Variants in CBL observed in about 807,000 individuals in gnomAD.
CBL encodes E3 ubiquitin-protein ligase CBL.
A neutral mutation model predicts 96.9 loss-of-function variants in CBL; 45 were observed. The observed-to-expected ratio is 0.46, with a 90% CI of 0.37 to 0.60. The LOEUF is 0.60. CBL is among the 20% of genes least tolerant of loss of function. The pLI, the probability that CBL is intolerant of heterozygous loss-of-function variation, is 0.00. For synonymous variants in CBL, 420 were observed against 426.8 expected (o/e 0.98, Z 0.20); for missense variants, 1,024 against 1,143.5 (o/e 0.90, Z 1.51).
intron 2 of CBL, among the ~76,000 whole-genome samples, chr11:119,271,490 C>T (rs1416123158): frequency 6.6e-6 from 1 of 152,196 alleles, no homozygotes; most frequent in South Asian, 2.1e-4. Flanking sequence ...CAAAAAGTTT[C>T]TAAAACCCTT....
chr11:119,299,550 AATC>A lies in CBL; in HGVS notation c.2492_2494del (p.Ile831del). The A allele has an allele frequency of 6.2e-7, 1 of 1,614,114 alleles. No individual in the cohort carries two copies. Among genetic ancestry groups the A allele is most frequent in the Non-Finnish European group, 8.5e-7 (1 of 1,180,010 alleles). On this transcript the variant is annotated inframe_deletion, in exon 16 of 16. Coordinates refer to ENST00000264033, the MANE Select transcript of CBL (RefSeq NM_005188.4). ...GGCCTCCAAAACCATTCCCGCGGAG[AATC>A]AACTCTGAACGGAAAGCTGGCAGCT...
Position 119,206,537 on chromosome 11 carries a change from C to T in CBL, c.120C>T (p.His40=), listed in dbSNP as rs745328496. 8 of 1,553,242 alleles carry T rather than the reference C, an allele frequency of 5.2e-6. No individual in the cohort carries two copies. The highest frequency in any genetic ancestry group is 1.2e-5 in the South Asian group (1 of 84,442). The change falls in exon 1 of 16, where the codon CAC becomes CAT. Residue 40 remains histidine (H), a synonymous_variant. Coordinates refer to ENST00000264033, the MANE Select transcript of CBL (RefSeq NM_005188.4). Reference sequence around the variant, plus strand: ...CCTTCCAGCCGCACCACCACCACCACCACCACCTCAGCCCCCACCCGCCGG... The same window carrying T: ...CCTTCCAGCCGCACCACCACCACCATCACCACCTCAGCCCCCACCCGCCGG... ...KDAFQPHHHH[H]HHLSPHPPGT...
intron 9 of CBL, among the ~76,000 whole-genome samples, chr11:119,282,858 A>AGG (rs1949948122): frequency 1.3e-5 from 2 of 151,962 alleles, no homozygotes; most frequent in South Asian, 4.2e-4. Flanking sequence ...CAAGGCAAGG[A>AGG]GGATCACTTT....
rs1222913859 is a variant in CBL at position 119,305,995 on chromosome 11, A to G, written c.*6214A>G. On this transcript the variant is annotated 3_prime_UTR_variant, in exon 16 of 16. Coordinates refer to ENST00000264033, the MANE Select transcript of CBL (RefSeq NM_005188.4). Reference sequence around the variant, plus strand: ...ATGTTGTAGACTAGGCTCCTGAGTTAAGCAGCAGAGGGACAGCAGTGCCAT... The same window carrying G: ...ATGTTGTAGACTAGGCTCCTGAGTTGAGCAGCAGAGGGACAGCAGTGCCAT... The G allele has an allele frequency of 6.1e-6, 2 of 328,582 alleles. No individual in the cohort carries two copies. Among genetic ancestry groups the G allele is most frequent in the Non-Finnish European group, 1.1e-5 (2 of 181,434 alleles). 20.4% of individuals were successfully genotyped at this position (328,582 alleles called of 1,614,324 possible).
At chr11:119,213,324 T>TTG (rs1422848187) in intron 1 of CBL, among the ~76,000 whole-genome samples, 1 of 152,218 alleles carries the variant, frequency 6.6e-6, no homozygotes, top group African/African-American at 2.4e-5. Context: ...CTTCCTGTGT[T>TTG]TGTGTACACA....
rs1350371301 is a variant in CBL, at chr11:119,278,190, A to T, written c.1120A>T (p.Met374Leu). The change falls in exon 8 of 16, where the codon ATG (methionine) becomes TTG (leucine). Residue 374 changes from methionine to leucine, a missense_variant. This residue lies in a region of CBL where 695 missense variants were observed against 661.6 expected (regional missense o/e 1.05). Transcript: ENST00000264033. Reference sequence around the variant, plus strand: ...GGAACAATATGAATTATACTGTGAGATGGGCTCCACATTCCAACTATGTAA... The same window carrying T: ...GGAACAATATGAATTATACTGTGAGTTGGGCTCCACATTCCAACTATGTAA... ...TQEQYELYCE[M>L]GSTFQLCKIC... 1.2e-6 allele frequency: 2 copies of T among 1,607,756 alleles called. No individual in the cohort carries two copies. Among genetic ancestry groups the T allele is most frequent in the South Asian group, 1.1e-5 (1 of 90,950 alleles).
chr11:119,285,566 G>A lies in CBL; in HGVS notation c.1941G>A (p.Met647Ile). 1 of 1,613,736 alleles carries A rather than the reference G, an allele frequency of 6.2e-7. No homozygotes were observed. The highest frequency in any genetic ancestry group is 8.5e-7 in the Non-Finnish European group (1 of 1,179,990). ...LGSTFSLDTS[M>I]SMNSSPLVGP... ...GCACGTTCAGTCTGGATACCTCCAT[G>A]GTGAGTCTTAATTTTGAAACTATCT... The change falls in exon 11 of 16, where the codon ATG (methionine) becomes ATA (isoleucine). Residue 647 changes from methionine to isoleucine, a missense_variant and splice_region_variant. By Grantham distance (10) the Met-to-Ile change is conservative. Coordinates refer to ENST00000264033, the MANE Select transcript of CBL (RefSeq NM_005188.4).
At position 119,285,215 on chromosome 11, in the gene CBL, C is replaced by T. The variant is rs1233221371; in HGVS notation, c.1590C>T (p.Asp530=). ...SKAASGSLHK[D]KPLPVPPTLR... ...CTGCTTCTGGCTCCCTTCATAAAGA[C>T]AAACCATTGCCAGTACCTCCCACAC... The change falls in exon 11 of 16, where the codon GAC becomes GAT. Residue 530 remains aspartate, a synonymous_variant. Transcript: ENST00000264033. The T allele has an allele frequency of 6.2e-7, 1 of 1,614,188 alleles. No individual in the cohort carries two copies. Among genetic ancestry groups the T allele is most frequent in the Non-Finnish European group, 8.5e-7 (1 of 1,180,036 alleles).
chr11:119,275,931 C>T (rs1036444729), intron 5 of CBL, 66 bp from the exon 6 acceptor site: 19 of 1,427,900 alleles, frequency 1.3e-5, no homozygotes, highest in Middle Eastern at 1.8e-4. Context: ...TTGTCTGTAT[C>T]TTGCCTTGCC....
At chr11:119,298,634 G>C in intron 15 of CBL, 94 bp downstream of exon 15, 1 of 1,093,110 alleles carries the variant, frequency 9.1e-7, no homozygotes, top group South Asian at 1.3e-5. Flanking sequence ...GTGACAGTAA[G>C]TCAGTATGTA....
intron 14 of CBL, among the ~76,000 whole-genome samples, chr11:119,297,909 T>C (rs1950074914): frequency 6.6e-6 from 1 of 152,218 alleles, no homozygotes; most frequent in Admixed American, 6.5e-5. Flanking sequence ...ACTCTGGACC[T>C]GTAAGCTCCT....
At chr11:119,294,411 T>C (rs1307805478) in intron 12 of CBL, among the ~76,000 whole-genome samples, 2 of 148,888 alleles carry the variant, frequency 1.3e-5, no homozygotes, top group Non-Finnish European at 3.0e-5. Context: ...CCTGGACGAC[T>C]GAGTCTCCGT....
At chr11:119,209,356 G>T (rs557624523) in intron 1 of CBL, among the ~76,000 whole-genome samples, 1 of 152,100 alleles carries the variant, frequency 6.6e-6, no homozygotes, top group South Asian at 2.1e-4. Flanking sequence ...CGTGGCTCAC[G>T]CTTGTAATCC....
At chr11:119,225,727 T>TC (rs1555226231) in intron 1 of CBL, among the ~76,000 whole-genome samples, 2 of 143,012 alleles carry the variant, frequency 1.4e-5, no homozygotes, top group Non-Finnish European at 3.1e-5. Context: ...ATATTTTCTT[T>TC]TTTTTTTTTT....
At chr11:119,260,232 TTTTTCTTTTTC>T (rs1462507780) in intron 2 of CBL, among the ~76,000 whole-genome samples, 3 of 151,924 alleles carry the variant, frequency 2.0e-5, no homozygotes, top group Non-Finnish European at 2.9e-5. Flanking sequence ...TCTTTTTTTT[TTTTTCTTTTTC>T]TTTTCTTTTC....
chr11:119,298,340 T>G lies in CBL; in HGVS notation c.2252-18T>G. 6.2e-7 allele frequency: 1 copy of G among 1,611,348 alleles called. No individual in the cohort carries two copies. Among genetic ancestry groups the G allele is most frequent in the South Asian group, 1.1e-5 (1 of 90,996 alleles). ...TGAAGTGCGTCAGAAGAAGATAACA[T>G]CACTCATTTTTCTCCAGGTGAAGGG... On this transcript the variant is annotated intron_variant, in intron 14 of 15. Transcript: ENST00000264033.
In CBL at chr11:119,245,997, A is replaced by T. The variant is rs191688148; in HGVS notation, c.443+13302A>T. ...TTTTTTTTTTTTTTTTTTTGAGGAGATGGAATCTCTCTTTGTCACCAGGCT... is the reference window on the plus strand; with the variant it reads ...TTTTTTTTTTTTTTTTTTTGAGGAGTTGGAATCTCTCTTTGTCACCAGGCT... On this transcript the variant is annotated intron_variant, in intron 2 of 15. Transcript: ENST00000264033. 5.8e-4 allele frequency among the ~76,000 whole-genome samples: 49 copies of T among 84,848 alleles called. No homozygotes were observed. The East Asian group carries it at 0.014, about 25-fold the overall frequency. The allele number at this position is 84,848 out of a possible 152,430, so 55.7% of individuals were successfully genotyped here.
At chr11:119,244,952 C>T (rs1391437678) in intron 2 of CBL, among the ~76,000 whole-genome samples, 1 of 151,986 alleles carries the variant, frequency 6.6e-6, no homozygotes, top group Non-Finnish European at 1.5e-5. Flanking sequence ...CATCAATTTA[C>T]CTGCTTCAGC....
In CBL at chr11:119,305,734, C is replaced by G. The variant is rs1216868913; in HGVS notation, c.*5953C>G. The G allele has an allele frequency of 1.8e-5, 4 of 226,396 alleles. No homozygotes were observed. The highest frequency in any genetic ancestry group is 3.5e-5 in the Non-Finnish European group (4 of 114,036). 14.0% of individuals were successfully genotyped at this position (226,396 alleles called of 1,614,324 possible). A position where few individuals can be genotyped will look rare whatever the true frequency, so the allele number is the denominator to read the frequency against. On this transcript the variant is annotated 3_prime_UTR_variant, in exon 16 of 16. Coordinates refer to ENST00000264033, the MANE Select transcript of CBL (RefSeq NM_005188.4). Reference sequence around the variant, plus strand: ...CTCTGGCAATTGCTTTCATTTTAGTCCTATATAAAAGCTTTCCTTTTCTGT... The same window carrying G: ...CTCTGGCAATTGCTTTCATTTTAGTGCTATATAAAAGCTTTCCTTTTCTGT...
Sources: allele counts gnomAD v4.1 joint callset (sites outside exome capture counted in the v4.1 genomes callset), GRCh38; gene constraint gnomAD v4.1.1; regional missense constraint gnomAD v4.1.1; transcripts MANE v1.5; gene names NCBI Gene and HGNC (gene_info 2026-07-23, HGNC 2026-07-21).